TMEM98: variants seen among roughly 807,000 people sequenced by gnomAD.
TMEM98 encodes transmembrane protein 98.
A neutral mutation model predicts 25.0 loss-of-function variants in TMEM98; 18 were observed. The ratio of observed to expected loss-of-function variants is 0.72; its 90% CI spans 0.50 to 1.07. The LOEUF (loss-of-function observed/expected upper bound fraction) is 1.07. Ranked by LOEUF, TMEM98 falls within the 50% of genes least tolerant of loss-of-function variation. The pLI is 0.00. For missense variants in TMEM98, 241 were observed against 289.0 expected, an observed-to-expected ratio of 0.83 and a Z score of 1.20; for synonymous variants, 103 against 112.4, an observed-to-expected ratio of 0.92 and a Z score of 0.53.
In TMEM98 at chr17:32,939,472, G is replaced by A; in HGVS notation, c.414-5G>A. On this transcript the variant is annotated splice_region_variant and splice_polypyrimidine_tract_variant and intron_variant, in intron 6 of 7. Coordinates refer to ENST00000579849, the MANE Select transcript of TMEM98 (RefSeq NM_015544.3). ...AAGTACTGAACACCTTTTGCCTCCG[G>A]TCAGGGTGGATGATGTTGTGAAGTC... is the stretch of plus-strand genomic sequence containing the variant. 6.2e-7 allele frequency: 1 copy of A among 1,613,574 alleles called. No individual in the cohort carries two copies. The highest frequency in any genetic ancestry group is 8.5e-7 in the Non-Finnish European group (1 of 1,179,874).
intron 6 of TMEM98, among the ~76,000 whole-genome samples, chr17:32,938,021 T>G (rs1384381848): frequency 6.6e-6 from 1 of 152,194 alleles, no homozygotes; most frequent in Non-Finnish European, 1.5e-5. Flanking sequence ...GGCAGCACTT[T>G]CAGGAGGTTG....
Position 32,934,294 on chromosome 17 carries a change from T to G in TMEM98, c.267T>G (p.Gly89=). Residue 89 remains glycine (G), a synonymous_variant, in exon 5 of 8, where the codon GGT becomes GGG. Transcript: ENST00000579849. ...TGACTTCTTCTTGTTTCCCCAGGGG[T>G]CTCATGTCCCACTGCATTGCCATCT... ...ENEDWIEDAS[G]LMSHCIAILK... 2 of 1,613,916 alleles carry G rather than the reference T, an allele frequency of 1.2e-6. No homozygotes were observed. The highest frequency in any genetic ancestry group is 8.5e-7 in the Non-Finnish European group (1 of 1,179,974).
At position 32,942,594 on chromosome 17, in the gene TMEM98, C is replaced by G. The variant is rs894161737; in HGVS notation, c.*1601C>G. 6.6e-6 allele frequency: 1 copy of G among 152,192 alleles called. No individual in the cohort carries two copies. The highest frequency in any genetic ancestry group is 6.5e-5 in the Admixed American group (1 of 15,280). 9.4% of individuals were successfully genotyped at this position (152,192 alleles called of 1,614,324 possible). ...CCAACCTGCACAATGTACACCAAAC[C>G]ACAGAACCACAGCTGGGATATGGAG... On this transcript the variant is annotated 3_prime_UTR_variant, in exon 8 of 8. Coordinates refer to ENST00000579849, the MANE Select transcript of TMEM98 (RefSeq NM_015544.3).
intron 4 of TMEM98, among the ~76,000 whole-genome samples, chr17:32,933,728 A>G (rs1475395732): frequency 6.6e-6 from 1 of 152,140 alleles, no homozygotes; most frequent in African/African-American, 2.4e-5. Context: ...CCCTGGTCCC[A>G]TGTTTGTGGG....
In TMEM98 at chr17:32,940,816, C is replaced by T. The variant is rs75786524; in HGVS notation, c.504C>T (p.His168=). ...CTGCCCTGCTCCTGTCTGTCAGTCA[C>T]CTGGTGCTGGTGACAAGGAATGCCT... ...RTTALLLSVS[H]LVLVTRNACH... is the part of the protein sequence containing the mutation. The change falls in exon 8 of 8, where the codon CAC becomes CAT. Residue 168 remains histidine (H), a synonymous_variant. Coordinates refer to ENST00000579849, the MANE Select transcript of TMEM98 (RefSeq NM_015544.3). 7.1e-3 allele frequency: 11,470 copies of T among 1,614,136 alleles called. 57 individuals are homozygous for T. The highest frequency in any genetic ancestry group is 0.012 in the Admixed American group (748 of 60,024).
Position 32,941,031 on chromosome 17 carries a change from C to A in TMEM98, c.*38C>A. The A allele has an allele frequency of 6.5e-7, 1 of 1,539,648 alleles. No individual in the cohort carries two copies. The highest frequency in any genetic ancestry group is 1.4e-5 in the African/African-American group (1 of 72,970). ...AGCAGCTAGCCATGAAGGCCCCTGCCGCCATCCCTGGATGGCTCAGCTTAG... is the reference window on the plus strand; with the variant it reads ...AGCAGCTAGCCATGAAGGCCCCTGCAGCCATCCCTGGATGGCTCAGCTTAG... On this transcript the variant is annotated 3_prime_UTR_variant, in exon 8 of 8. Coordinates refer to ENST00000579849, the MANE Select transcript of TMEM98 (RefSeq NM_015544.3).
chr17:32,941,093 C>T lies in TMEM98; in HGVS notation c.*100C>T, dbSNP rs28919. 0.35 allele frequency: 361,035 copies of T among 1,042,232 alleles called. 63,322 individuals are homozygous for T. Among genetic ancestry groups the T allele is most frequent in the East Asian group, 0.37 (14,115 of 38,132 alleles). The allele number at this position is 1,042,232 out of a possible 1,614,324, so 64.6% of individuals were successfully genotyped here. A position where few individuals can be genotyped will look rare whatever the true frequency, so the allele number is the denominator to read the frequency against. On this transcript the variant is annotated 3_prime_UTR_variant, in exon 8 of 8. Coordinates refer to ENST00000579849, the MANE Select transcript of TMEM98 (RefSeq NM_015544.3). Reference sequence around the variant, plus strand: ...TTCCTATAGAGTTAGTTGTTCTCCACGGCTGGAGAGTTCAGCTGTGTGTGC... The same window carrying T: ...TTCCTATAGAGTTAGTTGTTCTCCATGGCTGGAGAGTTCAGCTGTGTGTGC...
At chr17:32,930,067 G>A (rs1370857813) in intron 1 of TMEM98, among the ~76,000 whole-genome samples, 1 of 152,012 alleles carries the variant, frequency 6.6e-6, no homozygotes, top group Non-Finnish European at 1.5e-5. Context: ...AGACATGGAG[G>A]ATAGAATTAA....
rs995333285 is a variant in TMEM98 at position 32,942,774 on chromosome 17, G to A, written c.*1781G>A. The A allele has an allele frequency of 6.6e-6, 1 of 152,216 alleles. No homozygotes were observed. The highest frequency in any genetic ancestry group is 1.9e-4 in the East Asian group (1 of 5,202). 9.4% of individuals were successfully genotyped at this position (152,216 alleles called of 1,614,324 possible). A position where few individuals can be genotyped will look rare whatever the true frequency, so the allele number is the denominator to read the frequency against. On this transcript the variant is annotated 3_prime_UTR_variant, in exon 8 of 8. Coordinates refer to ENST00000579849, the MANE Select transcript of TMEM98 (RefSeq NM_015544.3). The stretch of plus-strand genomic sequence containing the variant: ...TCCTGTCAAGCTGTGAATGGGGAAT[G>A]TATACAAAGTCACTTTGACTTTTCT...
At position 32,931,537 on chromosome 17, in the gene TMEM98, T is replaced by G. The variant is rs1341170354; in HGVS notation, c.9T>G (p.Thr3=). The part of the protein sequence containing the change: ME[T]VVIVAIGVLA... ...AGGAGCCCTCTGGAAGCATGGAGAC[T>G]GTGGTGATTGTTGCCATAGGTGTGC... The change falls in exon 3 of 8, where the codon ACT becomes ACG. Residue 3 remains threonine, a synonymous_variant. Coordinates refer to ENST00000579849, the MANE Select transcript of TMEM98 (RefSeq NM_015544.3). 9 of 1,605,038 alleles carry G rather than the reference T, an allele frequency of 5.6e-6. No homozygotes were observed. Among genetic ancestry groups the G allele is most frequent in the African/African-American group, 1.3e-5 (1 of 74,804 alleles).
intron 7 of TMEM98, among the ~76,000 whole-genome samples, chr17:32,939,831 CT>C (rs2091519056): frequency 6.6e-6 from 1 of 152,196 alleles, no homozygotes; most frequent in Admixed American, 6.5e-5. Context: ...ACCTTTTCCC[CT>C]TTCCCCCTCT....
In TMEM98 at chr17:32,943,935, G is replaced by A. The variant is rs981611136; in HGVS notation, c.*2942G>A. The A allele has an allele frequency of 2.6e-5, 4 of 152,296 alleles. No homozygotes were observed. The highest frequency in any genetic ancestry group is 6.5e-5 in the Admixed American group (1 of 15,286). 9.4% of individuals were successfully genotyped at this position (152,296 alleles called of 1,614,324 possible). ...TGGCCAAAAATCTGGAATCCCTACA[G>A]TAGGGAGAGTAGCCTTGTCCCTGCC... On this transcript the variant is annotated 3_prime_UTR_variant, in exon 8 of 8. Coordinates refer to ENST00000579849, the MANE Select transcript of TMEM98 (RefSeq NM_015544.3).
Position 32,932,094 on chromosome 17 carries a change from A to ATTTTT in TMEM98, c.131+454_131+458dup, listed in dbSNP as rs774760952. Reference sequence around the variant, plus strand: ...GACTGTTTCTCTCTTTGCACAGCAGATTTTTTTTTTTTTTTTTTTTTTTGA... The same window carrying ATTTTT: ...GACTGTTTCTCTCTTTGCACAGCAGATTTTTTTTTTTTTTTTTTTTTTTTTTTTGA... On this transcript the variant is annotated intron_variant, in intron 3 of 7. Coordinates refer to ENST00000579849, the MANE Select transcript of TMEM98 (RefSeq NM_015544.3). Among the ~76,000 whole-genome samples, 152 of 118,976 alleles carry ATTTTT rather than the reference A, an allele frequency of 1.3e-3. 1 individual carries two copies. Among genetic ancestry groups the ATTTTT allele is most frequent in the African/African-American group, 5.1e-3 (146 of 28,818 alleles). 78.1% of individuals were successfully genotyped at this position (118,976 alleles called of 152,430 possible).
intron 7 of TMEM98, 81 bp from the exon 8 acceptor site, chr17:32,940,703 GTC>G: frequency 2.2e-6 from 3 of 1,352,230 alleles, no homozygotes; most frequent in African/African-American, 1.4e-5. Context: ...GGGAATACTA[GTC>G]AAAAAGTCTA....
chr17:32,931,319 C>G lies in TMEM98; in HGVS notation c.-130-8C>G. The G allele has an allele frequency of 4.0e-6, 2 of 502,746 alleles. No homozygotes were observed. The highest frequency in any genetic ancestry group is 9.5e-5 in the South Asian group (2 of 21,018). The allele number at this position is 502,746 out of a possible 1,614,324, so 31.1% of individuals were successfully genotyped here. On this transcript the variant is annotated splice_region_variant and splice_polypyrimidine_tract_variant and intron_variant, in intron 1 of 7. Coordinates refer to ENST00000579849, the MANE Select transcript of TMEM98 (RefSeq NM_015544.3). ...GCATGGCATAAATTTTACCTTGGTTCTCTTCAGGCCCTCAGGTCTCTGCAG... is the reference window on the plus strand; with the variant it reads ...GCATGGCATAAATTTTACCTTGGTTGTCTTCAGGCCCTCAGGTCTCTGCAG...
At chr17:32,937,277 C>T (rs29005) in intron 6 of TMEM98, among the ~76,000 whole-genome samples, 1 of 152,164 alleles carries the variant, frequency 6.6e-6, no homozygotes, top group Non-Finnish European at 1.5e-5. Flanking sequence ...TGCCATGGCC[C>T]CAGGTAAATC....
chr17:32,932,337 G>C (rs978639543), intron 3 of TMEM98, among the ~76,000 whole-genome samples: 1 of 152,072 alleles, frequency 6.6e-6, no homozygotes, highest in Non-Finnish European at 1.5e-5. Flanking sequence ...CTGACCTCAG[G>C]TGATCCACCC....
At chr17:32,939,579 G>A in intron 7 of TMEM98, 43 bp downstream of exon 7, 1 of 1,609,812 alleles carries the variant, frequency 6.2e-7, no homozygotes, top group South Asian at 1.1e-5. Context: ...TCATGCAGAG[G>A]TCCACAACCG....
Position 32,934,331 on chromosome 17 carries a change from C to G in TMEM98, c.297+7C>G. 1 of 1,614,090 alleles carries G rather than the reference C, an allele frequency of 6.2e-7. No individual in the cohort carries two copies. The highest frequency in any genetic ancestry group is 8.5e-7 in the Non-Finnish European group (1 of 1,179,980). The stretch of plus-strand genomic sequence containing the variant: ...CTGCATTGCCATCTTGAAGGTAACC[C>G]TCTCTTATTTCTCTGTGGGATAAAG... On this transcript the variant is annotated splice_region_variant and intron_variant, in intron 5 of 7. Coordinates refer to ENST00000579849, the MANE Select transcript of TMEM98 (RefSeq NM_015544.3).
Sources: gnomAD v4.1 joint callset for allele counts (sites outside exome capture counted in the v4.1 genomes callset) on GRCh38, gnomAD v4.1.1 for gene constraint, MANE v1.5 for transcripts, NCBI Gene and HGNC (gene_info 2026-07-23, HGNC 2026-07-21) for gene names.